Variants in ERC2 observed in about 807,000 individuals in gnomAD.
ERC2 encodes the protein ERC protein 2.
Under a neutral mutation model 114.8 loss-of-function variants are expected in ERC2, and 42 were observed. The ratio of observed to expected loss-of-function variants is 0.37; its 90% confidence interval spans 0.29 to 0.47. The LOEUF is 0.47. Among genes scored for constraint, ERC2 ranks in the 20% least tolerant of loss-of-function variants. The pLI is 0.99. For synonymous variants in ERC2, 454 were observed against 425.5 expected (o/e 1.07, Z -0.82); for missense variants, 939 against 1,150.7 (o/e 0.82, Z 2.66).
At chr3:55,949,541 T>C (rs973651315) in intron 13 of ERC2, among the ~76,000 whole-genome samples, 5 of 150,696 alleles carry the variant, frequency 3.3e-5, no homozygotes, top group Non-Finnish European at 5.9e-5. Context: ...TCATGTGCCA[T>C]GCTCTATGCA....
intron 3 of ERC2, among the ~76,000 whole-genome samples, chr3:56,209,138 T>A (rs1348731105): frequency 6.6e-6 from 1 of 152,110 alleles, no homozygotes; most frequent in African/African-American, 2.4e-5. Context: ...CCCAGCCTCC[T>A]TTCACACCAC....
At chr3:55,762,792 CG>C (rs1176369624) in intron 14 of ERC2, among the ~76,000 whole-genome samples, 1 of 152,104 alleles carries the variant, frequency 6.6e-6, no homozygotes, top group Non-Finnish European at 1.5e-5. Context: ...AAAAGAGAGA[CG>C]CAAGGAAGAA....
intron 11 of ERC2, among the ~76,000 whole-genome samples, chr3:55,988,744 T>C (rs75342166): frequency 0.022 from 3,393 of 152,340 alleles, 49 homozygotes; most frequent in Admixed American, 0.032. Context: ...TTTTTGGTTT[T>C]CAAAATTACA....
At chr3:56,171,610 A>G (rs2082670891) in intron 4 of ERC2, among the ~76,000 whole-genome samples, 2 of 152,206 alleles carry the variant, frequency 1.3e-5, no homozygotes, top group South Asian at 4.1e-4. Context: ...CTAGAATTCA[A>G]GTTTCTCTGC....
chr3:55,608,828 C>G (rs1299753434), intron 17 of ERC2, among the ~76,000 whole-genome samples: 3 of 152,194 alleles, frequency 2.0e-5, no homozygotes, highest in Non-Finnish European at 2.9e-5. Flanking sequence ...GGATTTCCCA[C>G]ACTGACCTGA....
chr3:55,892,401 A>G (rs2063652474), intron 13 of ERC2, among the ~76,000 whole-genome samples: 1 of 152,204 alleles, frequency 6.6e-6, no homozygotes, highest in South Asian at 2.1e-4. Flanking sequence ...ACGCACCTAG[A>G]GTCCCAGCTA....
chr3:56,074,707 G>A (rs2076892826), intron 7 of ERC2, among the ~76,000 whole-genome samples: 2 of 152,112 alleles, frequency 1.3e-5, no homozygotes, highest in East Asian at 1.9e-4. Context: ...GTTAGGTGTG[G>A]GTACAGCAAC....
chr3:55,810,871 C>A (rs1230043989), intron 14 of ERC2, among the ~76,000 whole-genome samples: 1 of 152,152 alleles, frequency 6.6e-6, no homozygotes, highest in Non-Finnish European at 1.5e-5. Flanking sequence ...ATAAATGATT[C>A]TTTAATAGAT....
chr3:55,980,984 G>C (rs1056063388), intron 12 of ERC2, among the ~76,000 whole-genome samples: 11 of 152,180 alleles, frequency 7.2e-5, no homozygotes. Context: ...TCAAGCAAAA[G>C]CTAAAGAGAA....
At chr3:56,300,518 G>A (rs542368540) in intron 2 of ERC2, among the ~76,000 whole-genome samples, 1 of 152,260 alleles carries the variant, frequency 6.6e-6, no homozygotes, top group African/African-American at 2.4e-5. Context: ...AGTCATCCCT[G>A]TGAAGAATGA....
At chr3:55,913,254 T>A (rs1053103721) in intron 13 of ERC2, among the ~76,000 whole-genome samples, 9 of 152,194 alleles carry the variant, frequency 5.9e-5, no homozygotes, top group Non-Finnish European at 1.3e-4. Context: ...TAAATATTGA[T>A]CTAGTTCATT....
intron 14 of ERC2, among the ~76,000 whole-genome samples, chr3:55,798,978 A>G (rs114873118): frequency 0.026 from 4,019 of 152,334 alleles, 88 homozygotes; most frequent in Non-Finnish European, 0.043. Flanking sequence ...TGCTAAAAAA[A>G]TAAATAATAA....
intron 7 of ERC2, among the ~76,000 whole-genome samples, chr3:56,066,215 C>G (rs2076474310): frequency 6.6e-6 from 1 of 152,168 alleles, no homozygotes; most frequent in Non-Finnish European, 1.5e-5. Context: ...TCTGTTGTTT[C>G]TTGACTTTTT....
chr3:55,988,139 CT>C, intron 11 of ERC2, among the ~76,000 whole-genome samples: 1 of 152,302 alleles, frequency 6.6e-6, no homozygotes, highest in South Asian at 2.1e-4. Flanking sequence ...ACTCAGAGAC[CT>C]TGATGGGCAC....
intron 3 of ERC2, among the ~76,000 whole-genome samples, chr3:56,232,847 C>T (rs2050716275): frequency 6.6e-6 from 1 of 152,202 alleles, no homozygotes; most frequent in Non-Finnish European, 1.5e-5. Flanking sequence ...TCCTCAAGAG[C>T]ACCAGGGCCT....
intron 1 of ERC2, among the ~76,000 whole-genome samples, chr3:56,460,393 A>T (rs1447742488): frequency 6.6e-6 from 1 of 152,240 alleles, no homozygotes; most frequent in East Asian, 1.9e-4. Context: ...CTGTTCCTTC[A>T]GTCATTTGAC....
intron 3 of ERC2, among the ~76,000 whole-genome samples, chr3:56,273,498 A>G (rs534094755): frequency 1.5e-4 from 22 of 149,680 alleles, no homozygotes; most frequent in African/African-American, 5.2e-4. Flanking sequence ...TCTCATCTCA[A>G]CCTCCCCAAC....
intron 17 of ERC2, among the ~76,000 whole-genome samples, chr3:55,651,501 G>C (rs911218073): frequency 6.6e-6 from 1 of 152,116 alleles, no homozygotes; most frequent in Non-Finnish European, 1.5e-5. Context: ...CCCACATCCT[G>C]GGTTCTAGTC....
intron 3 of ERC2, among the ~76,000 whole-genome samples, chr3:56,219,500 G>C (rs937298286): frequency 1.3e-5 from 2 of 151,844 alleles, no homozygotes; most frequent in Non-Finnish European, 2.9e-5. Context: ...GTTTCCCAAA[G>C]CTTCTAGCCC....
Sources: allele counts gnomAD v4.1 joint callset (sites outside exome capture counted in the v4.1 genomes callset), GRCh38; gene constraint gnomAD v4.1.1; transcripts MANE v1.5; gene names NCBI Gene and HGNC (gene_info 2026-07-23, HGNC 2026-07-21).